Variants in PKD1L3 observed in about 807,000 individuals in gnomAD.
PKD1L3 encodes the protein polycystin-1-like protein 3.
Under a neutral mutation model 184.1 loss-of-function variants are expected in PKD1L3, and 239 were observed. That is an observed-to-expected ratio of 1.30 (90% CI 1.17 to 1.45). The LOEUF (loss-of-function observed/expected upper bound fraction) is 1.45. PKD1L3 is among the 40% of genes most tolerant of loss of function. PKD1L3 has a pLI of 0.00. For synonymous variants in PKD1L3, 996 were observed against 778.8 expected, an observed-to-expected ratio of 1.28 and a Z score of -4.64; for missense variants, 2,660 against 2,067.2, an observed-to-expected ratio of 1.29 and a Z score of -5.56.
rs565271618 is a variant in PKD1L3, at chr16:71,940,503, T to C, written c.4324+2057A>G. Reference sequence around the variant, plus strand: ...GGGCACAGAGCTTTGTTTTTTATTTTTTTTTTATTTTTTTGAGATGGAGTC... The same window carrying C: ...GGGCACAGAGCTTTGTTTTTTATTTCTTTTTTATTTTTTTGAGATGGAGTC... On this transcript the variant is annotated intron_variant, in intron 24 of 29. Transcript: ENST00000620267. 2.6e-5 allele frequency among the ~76,000 whole-genome samples: 4 copies of C among 152,192 alleles called. No individual in the cohort carries two copies. The South Asian group carries it at 8.3e-4, about 32-fold the overall frequency.
At chr16:71,988,094 C>G (rs559669526) in intron 4 of PKD1L3, among the ~76,000 whole-genome samples, 47 of 152,014 alleles carry the variant, frequency 3.1e-4, no homozygotes, top group African/African-American at 1.0e-3. Context: ...TTCACGGATC[C>G]TTCTGTGTTT....
intron 9 of PKD1L3, 84 bp from the exon 10 acceptor site, chr16:71,978,467 A>ATG (rs1195394090): frequency 3.3e-5 from 22 of 669,070 alleles, no homozygotes; most frequent in Non-Finnish European, 4.7e-5. Flanking sequence ...ATATATACAT[A>ATG]TGTATATATG....
At chr16:71,982,017 T>A in intron 7 of PKD1L3, 42 bp downstream of exon 7, 11 of 1,461,980 alleles carry the variant, frequency 7.5e-6, no homozygotes, top group Admixed American at 2.6e-5. Context: ...AAGATTAAAA[T>A]GCTTCTAAGC....
chr16:71,982,630 T>C (rs2040205543), intron 6 of PKD1L3, among the ~76,000 whole-genome samples: 1 of 151,928 alleles, frequency 6.6e-6, no homozygotes, highest in South Asian at 2.1e-4. Flanking sequence ...GGGGTCTTGC[T>C]CTGTTGCCCC....
At chr16:71,982,501 T>C (rs1385859965) in intron 6 of PKD1L3, among the ~76,000 whole-genome samples, 3 of 152,070 alleles carry the variant, frequency 2.0e-5, no homozygotes, top group Non-Finnish European at 2.9e-5. Flanking sequence ...GTCAGGCTGG[T>C]CTCCAACTCC....
In PKD1L3 at chr16:71,934,079, G is replaced by A. The variant is rs1362111676; in HGVS notation, c.4660C>T (p.His1554Tyr). 9 of 1,551,948 alleles carry A rather than the reference G, an allele frequency of 5.8e-6. No individual in the cohort carries two copies. The Middle Eastern group carries it at 8.3e-4, about 144-fold the overall frequency. ...EAVKVNSAAT[H>Y]LVGFPVLLAT... is the part of the protein sequence containing the mutation. ...AGGAGAACCGGGAAGCCCACAAGGT[G>A]AGTCGCAGCAGAGTTCACTTTTACT... The change falls in exon 27 of 30, where the codon CAC (histidine) becomes TAC (tyrosine). Residue 1554 changes from histidine to tyrosine, a missense_variant. By Grantham distance (83) the His-to-Tyr change is moderately conservative. Coordinates refer to ENST00000620267, the MANE Select transcript of PKD1L3 (RefSeq NM_181536.2).
rs1330357634 is a variant in PKD1L3, at chr16:71,998,410, A to G, written c.296-16T>C. 1.3e-6 allele frequency: 2 copies of G among 1,541,788 alleles called. No individual in the cohort carries two copies. The highest frequency in any genetic ancestry group is 1.7e-6 in the Non-Finnish European group (2 of 1,145,124). ...GCAACGTCTGCTGAGGGGAGATCAG[A>G]CGCAGATGAGCCTCATACTCGAAAG... On this transcript the variant is annotated splice_polypyrimidine_tract_variant and intron_variant, in intron 1 of 29. Coordinates refer to ENST00000620267, the MANE Select transcript of PKD1L3 (RefSeq NM_181536.2).
intron 2 of PKD1L3, among the ~76,000 whole-genome samples, chr16:71,995,078 T>C (rs894933495): frequency 1.3e-5 from 2 of 152,138 alleles, no homozygotes; most frequent in Non-Finnish European, 2.9e-5. Context: ...ACAGGGTAAT[T>C]TATAAAGAAC....
intron 24 of PKD1L3, among the ~76,000 whole-genome samples, chr16:71,941,578 ATTCTT>A (rs2038361077): frequency 7.6e-6 from 1 of 132,446 alleles, no homozygotes; most frequent in Non-Finnish European, 1.5e-5. Flanking sequence ...ATTCTATGAC[ATTCTT>A]TTTTTTTTTT....
chr16:71,953,654 T>C (rs1224513486), intron 17 of PKD1L3, among the ~76,000 whole-genome samples: 1 of 151,958 alleles, frequency 6.6e-6, no homozygotes, highest in African/African-American at 2.4e-5. Context: ...AGTGCAGTGG[T>C]GCAATCTCGG....
chr16:71,934,735 C>A (rs1008079273), intron 26 of PKD1L3, among the ~76,000 whole-genome samples: 1 of 152,208 alleles, frequency 6.6e-6, no homozygotes, highest in East Asian at 1.9e-4. Flanking sequence ...TGCACAGATC[C>A]GCTGTCACTG....
At chr16:71,995,557 C>T (rs967697209) in intron 2 of PKD1L3, among the ~76,000 whole-genome samples, 2 of 151,870 alleles carry the variant, frequency 1.3e-5, no homozygotes, top group African/African-American at 4.8e-5. Flanking sequence ...CTTTATTTTC[C>T]ACTAAAAAAA....
At chr16:71,997,417 C>A (rs564052873) in intron 2 of PKD1L3, among the ~76,000 whole-genome samples, 1 of 151,172 alleles carries the variant, frequency 6.6e-6, no homozygotes, top group Non-Finnish European at 1.5e-5. Flanking sequence ...CAAGACCCCC[C>A]CCCCCACAAC....
chr16:71,968,072 A>G (rs9930930), intron 13 of PKD1L3, 65 bp from the exon 14 acceptor site: 340,700 of 1,305,290 alleles, frequency 0.26, 46,219 homozygotes, highest in South Asian at 0.41. Context: ...TGCCTCCTCC[A>G]GCTGAGGAGC....
intron 28 of PKD1L3, chr16:71,931,002 T>G (rs1433624714): frequency 6.6e-6 from 1 of 152,234 alleles, no homozygotes; most frequent in Non-Finnish European, 1.5e-5. Flanking sequence ...AACCAGATAA[T>G]GTGGGCAATC....
chr16:71,960,940 G>T (rs1263705937), intron 16 of PKD1L3, among the ~76,000 whole-genome samples: 1 of 152,022 alleles, frequency 6.6e-6, no homozygotes, highest in African/African-American at 2.4e-5. Flanking sequence ...CTAGGGAGGG[G>T]AAATAGTATT....
Position 71,979,988 on chromosome 16 carries a change from G to A in PKD1L3, c.1271+19C>T, listed in dbSNP as rs918141778. 15 of 1,551,206 alleles carry A rather than the reference G, an allele frequency of 9.7e-6. No homozygotes were observed. Among genetic ancestry groups the A allele is most frequent in the East Asian group, 2.4e-5 (1 of 40,918 alleles). ...TGAAAAACACAGTGAAACTCTCCCC[G>A]TTCCTTCTTCCCATTAACCTGCTCA... On this transcript the variant is annotated intron_variant, in intron 8 of 29. Transcript: ENST00000620267.
intron 5 of PKD1L3, among the ~76,000 whole-genome samples, chr16:71,984,840 C>A (rs1338916038): frequency 6.6e-6 from 1 of 152,158 alleles, no homozygotes; most frequent in African/African-American, 2.4e-5. Flanking sequence ...GCCTGGGCGA[C>A]AGATCGAGAA....
chr16:71,983,864 T>C (rs995551453), intron 6 of PKD1L3, among the ~76,000 whole-genome samples, 172 bp downstream of exon 6: 1 of 151,870 alleles, frequency 6.6e-6, no homozygotes, highest in Admixed American at 6.6e-5. Flanking sequence ...GGTTTTGCCA[T>C]GTTGCCCAGT....
Sources: gnomAD v4.1 joint callset for allele counts (sites outside exome capture counted in the v4.1 genomes callset) on GRCh38, gnomAD v4.1.1 for gene constraint, MANE v1.5 for transcripts, NCBI Gene and HGNC (gene_info 2026-07-23, HGNC 2026-07-21) for gene names.